The following MCTP1 variants were observed in gnomAD, a reference collection of about 807,000 sequenced individuals.
MCTP1 encodes multiple C2 and transmembrane domain containing 1.
In MCTP1, 69 loss-of-function variants were observed where a neutral mutation model predicts 120.6. That is an observed-to-expected ratio of 0.57 (90% CI 0.47 to 0.70). MCTP1 has a LOEUF of 0.70. Among genes scored for constraint, MCTP1 ranks in the 30% least tolerant of loss-of-function variants. The probability of loss-of-function intolerance (pLI) is 0.00; values close to 1 mark genes in which losing one functional copy is unlikely to be tolerated. For missense variants in MCTP1, 1,203 were observed against 1,248.8 expected (o/e 0.96, Z 0.55); for synonymous variants, 529 against 493.1 (o/e 1.07, Z -0.96).
chr5:94,867,025 T>G (rs919228684), intron 17 of MCTP1: 2 of 258,840 alleles, frequency 7.7e-6, no homozygotes, highest in African/African-American at 4.4e-5. Flanking sequence ...TTGCATCTGT[T>G]ATATGACCCC....
At chr5:94,775,202 C>A (rs1389150459) in intron 19 of MCTP1, among the ~76,000 whole-genome samples, 2 of 152,142 alleles carry the variant, frequency 1.3e-5, no homozygotes, top group African/African-American at 4.8e-5. Context: ...TATCTTTTAT[C>A]AATAAACATT....
chr5:95,283,784 C>T (rs913743594), intron 1 of MCTP1, 72 bp downstream of exon 1: 93 of 1,221,126 alleles, frequency 7.6e-5, no homozygotes, highest in Non-Finnish European at 9.5e-5. Flanking sequence ...CCCCGCTCCC[C>T]GGGTGGTGAA....
intron 19 of MCTP1, among the ~76,000 whole-genome samples, chr5:94,769,039 T>A (rs1192029458): frequency 1.3e-5 from 2 of 152,118 alleles, no homozygotes; most frequent in Non-Finnish European, 2.9e-5. Flanking sequence ...ATGTACCCAA[T>A]GGAATGCTAT....
intron 17 of MCTP1, among the ~76,000 whole-genome samples, chr5:94,851,242 A>T (rs1658458584): frequency 6.6e-6 from 1 of 152,112 alleles, no homozygotes; most frequent in African/African-American, 2.4e-5. Flanking sequence ...ATTATAAAGA[A>T]ATTCCAACTC....
chr5:95,144,762 T>C (rs1031103124), intron 1 of MCTP1, among the ~76,000 whole-genome samples: 1 of 152,220 alleles, frequency 6.6e-6, no homozygotes, highest in African/African-American at 2.4e-5. Context: ...TCCATTGGTC[T>C]GTGTATCTGT....
chr5:95,160,957 G>A (rs911089309), intron 1 of MCTP1, among the ~76,000 whole-genome samples: 9 of 152,078 alleles, frequency 5.9e-5, no homozygotes, highest in African/African-American at 1.9e-4. Flanking sequence ...TGTTAGTAAG[G>A]GTGTGGAGAA....
At chr5:95,194,448 T>C (rs1227988337) in intron 1 of MCTP1, among the ~76,000 whole-genome samples, 2 of 152,098 alleles carry the variant, frequency 1.3e-5, no homozygotes, top group African/African-American at 4.8e-5. Flanking sequence ...GCAAAGCTTA[T>C]CTTATGATCA....
In MCTP1 at chr5:94,715,100, G is replaced by A. The variant is rs1453225736; in HGVS notation, c.2611-214C>T. On this transcript the variant is annotated intron_variant, in intron 19 of 22. Coordinates refer to ENST00000515393, the MANE Select transcript of MCTP1 (RefSeq NM_024717.7). ...TCATGGATTTGTGCTTGTAAAGATGGCTGCAAAGCAAGAGCCTCGGGTTCC... is the reference window on the plus strand; with the variant it reads ...TCATGGATTTGTGCTTGTAAAGATGACTGCAAAGCAAGAGCCTCGGGTTCC... 4.6e-5 allele frequency among the ~76,000 whole-genome samples: 7 copies of A among 152,020 alleles called. No individual in the cohort carries two copies. The East Asian group carries it at 1.4e-3, about 29-fold the overall frequency.
intron 12 of MCTP1, among the ~76,000 whole-genome samples, chr5:94,884,786 A>G (rs1001168510): frequency 6.6e-6 from 1 of 152,202 alleles, no homozygotes; most frequent in Non-Finnish European, 1.5e-5. Flanking sequence ...TCTTAAGATA[A>G]TAAGACTCTC....
chr5:95,146,298 G>A (rs571176927), intron 1 of MCTP1, among the ~76,000 whole-genome samples: 1 of 152,118 alleles, frequency 6.6e-6, no homozygotes, highest in Non-Finnish European at 1.5e-5. Flanking sequence ...AATCTAGCTA[G>A]TGTTCTATAC....
intron 1 of MCTP1, among the ~76,000 whole-genome samples, chr5:95,153,276 C>G (rs1174978145): frequency 6.6e-6 from 1 of 152,172 alleles, no homozygotes; most frequent in South Asian, 2.1e-4. Context: ...GCCTTGCTTC[C>G]CTTTCGCCCT....
At chr5:95,104,336 A>G (rs573097216) in intron 1 of MCTP1, among the ~76,000 whole-genome samples, 30 of 151,500 alleles carry the variant, frequency 2.0e-4, no homozygotes, top group Admixed American at 5.2e-4. Context: ...CCTAAGTTTG[A>G]GGTTTTATTC....
At chr5:94,872,164 A>T (rs1307365085) in intron 13 of MCTP1, among the ~76,000 whole-genome samples, 1 of 152,166 alleles carries the variant, frequency 6.6e-6, no homozygotes, top group Non-Finnish European at 1.5e-5. Context: ...AAGAGAAAAC[A>T]ATAAAGTGAA....
intron 1 of MCTP1, among the ~76,000 whole-genome samples, chr5:95,215,897 A>G (rs1471128785): frequency 6.6e-6 from 1 of 152,164 alleles, no homozygotes; most frequent in Non-Finnish European, 1.5e-5. Flanking sequence ...GCCTCTACAC[A>G]CTTTTAATAC....
intron 1 of MCTP1, among the ~76,000 whole-genome samples, chr5:95,135,225 A>G (rs1759362089): frequency 6.6e-6 from 1 of 152,174 alleles, no homozygotes; most frequent in Admixed American, 6.5e-5. Context: ...AGATAATAAG[A>G]ATACATATTC....
chr5:95,048,761 T>C (rs573467752), intron 1 of MCTP1, among the ~76,000 whole-genome samples: 30 of 152,290 alleles, frequency 2.0e-4, no homozygotes, highest in African/African-American at 7.0e-4. Flanking sequence ...GAATAACTAA[T>C]AGAGTTCTAG....
At chr5:95,271,958 A>T (rs2152733277) in intron 1 of MCTP1, among the ~76,000 whole-genome samples, 1 of 152,300 alleles carries the variant, frequency 6.6e-6, no homozygotes, top group South Asian at 2.1e-4. Flanking sequence ...ATCTATTCAG[A>T]CTAGATAAAC....
At chr5:94,746,589 AAAC>A (rs1264154567) in intron 19 of MCTP1, among the ~76,000 whole-genome samples, 1 of 152,256 alleles carries the variant, frequency 6.6e-6, no homozygotes, top group Non-Finnish European at 1.5e-5. Flanking sequence ...GAACAAATAT[AAAC>A]AACAAATATA....
chr5:94,864,492 A>G (rs1561769572), intron 17 of MCTP1, among the ~76,000 whole-genome samples: 1 of 151,862 alleles, frequency 6.6e-6, no homozygotes, highest in Non-Finnish European at 1.5e-5. Context: ...ATTTTCATTA[A>G]TTTTGCGACA....
Sources: allele counts gnomAD v4.1 joint callset (sites outside exome capture counted in the v4.1 genomes callset), GRCh38; gene constraint gnomAD v4.1.1; transcripts MANE v1.5; gene names NCBI Gene and HGNC (gene_info 2026-07-23, HGNC 2026-07-21).